The following ERBB4 variants were observed in gnomAD, a reference collection of about 807,000 sequenced individuals.
The protein encoded by ERBB4 is erb-b2 receptor tyrosine kinase 4.
A neutral mutation model predicts 158.0 loss-of-function variants in ERBB4; 42 were observed. That is an observed-to-expected ratio of 0.27 (90% CI 0.21 to 0.34). ERBB4 has a LOEUF of 0.34. ERBB4 is among the 10% of genes least tolerant of loss of function. The probability of loss-of-function intolerance (pLI) is 1.00; values close to 1 mark genes in which losing one functional copy is unlikely to be tolerated. For missense variants in ERBB4, 1,333 were observed against 1,624.1 expected (o/e 0.82, Z 3.08); for synonymous variants, 583 against 558.7 (o/e 1.04, Z -0.61).
At chr2:211,851,721 C>T (rs2077725992) in intron 3 of ERBB4, among the ~76,000 whole-genome samples, 1 of 151,666 alleles carries the variant, frequency 6.6e-6, no homozygotes, top group African/African-American at 2.4e-5. Flanking sequence ...GGTGTTTGAT[C>T]CTATTGTGAT....
At chr2:211,802,571 G>T (rs2076524926) in intron 3 of ERBB4, among the ~76,000 whole-genome samples, 1 of 152,184 alleles carries the variant, frequency 6.6e-6, no homozygotes, top group Non-Finnish European at 1.5e-5. Context: ...GTGGAAAAGA[G>T]AATGATGATT....
chr2:212,373,829 A>ATATATATCCATGTATATATCCATG (rs2090182881), intron 1 of ERBB4, among the ~76,000 whole-genome samples: 3 of 88,628 alleles, frequency 3.4e-5, no homozygotes, highest in Non-Finnish European at 7.4e-5. Context: ...ATATCCATAT[A>ATATATATCCATGTATATATCCATG]TATATATATC....
chr2:212,052,389 T>C (rs947144987), intron 2 of ERBB4, among the ~76,000 whole-genome samples: 7 of 152,282 alleles, frequency 4.6e-5, no homozygotes, highest in Admixed American at 3.9e-4. Context: ...AGCTTGCAGA[T>C]AGCCTATTGT....
At chr2:212,191,961 T>C (rs116074352) in intron 1 of ERBB4, among the ~76,000 whole-genome samples, 20,917 of 128,372 alleles carry the variant, frequency 0.16, 1,945 homozygotes, top group Non-Finnish European at 0.21. Flanking sequence ...ATATATGTTA[T>C]ATATGTTATA....
intron 12 of ERBB4, among the ~76,000 whole-genome samples, chr2:211,687,350 C>T (rs961951291): frequency 3.3e-5 from 5 of 151,694 alleles, no homozygotes; most frequent in Non-Finnish European, 5.9e-5. Flanking sequence ...AAGAACCCTC[C>T]CACAATATTG....
At chr2:211,700,255 A>C (rs1411347764) in intron 12 of ERBB4, among the ~76,000 whole-genome samples, 1 of 152,242 alleles carries the variant, frequency 6.6e-6, no homozygotes, top group Non-Finnish European at 1.5e-5. Flanking sequence ...TGGGGTAAGA[A>C]GCTTAAGTAT....
At chr2:212,055,025 A>C (rs561339379) in intron 2 of ERBB4, among the ~76,000 whole-genome samples, 62 of 152,250 alleles carry the variant, frequency 4.1e-4, no homozygotes, top group African/African-American at 1.5e-3. Context: ...GGGAAGCATA[A>C]AGGGTCAGGG....
chr2:211,861,330 TTTTTTTTTG>T (rs1178565460), intron 3 of ERBB4, among the ~76,000 whole-genome samples: 7 of 69,446 alleles, frequency 1.0e-4, no homozygotes, highest in Non-Finnish European at 1.4e-4. Flanking sequence ...CAGGCGTGTT[TTTTTTTTTG>T]TTTTTTTTTT....
At chr2:211,413,309 AACACACACACACACACACACACAC>A (rs36108369) in intron 25 of ERBB4, among the ~76,000 whole-genome samples, 2 of 94,558 alleles carry the variant, frequency 2.1e-5, no homozygotes, top group African/African-American at 7.7e-5. Flanking sequence ...CTGTCTTAAA[AACACACACACACACACACACACAC>A]ACACACACAC....
Position 211,889,489 on chromosome 2 carries a change from C to T in ERBB4, c.421+57941G>A, listed in dbSNP as rs991514793. On this transcript the variant is annotated intron_variant, in intron 3 of 27. Transcript: ENST00000342788. Reference sequence around the variant, plus strand: ...AAACTGGAAACTCTAAAATGCAGAGCGCCTCTCCTCCTCCAAAGGAACGCA... The same window carrying T: ...AAACTGGAAACTCTAAAATGCAGAGTGCCTCTCCTCCTCCAAAGGAACGCA... 1.1e-4 allele frequency among the ~76,000 whole-genome samples: 17 copies of T among 151,744 alleles called. No homozygotes were observed. In the East Asian group the frequency reaches 1.4e-3, roughly 12 times the overall value.
intron 2 of ERBB4, among the ~76,000 whole-genome samples, chr2:212,078,122 G>T (rs1480214238): frequency 6.6e-6 from 1 of 151,946 alleles, no homozygotes; most frequent in East Asian, 1.9e-4. Flanking sequence ...TTACTTATTT[G>T]CAAATTTATT....
rs550255775 is a variant in ERBB4, at chr2:212,414,482, T to C, written c.82+123967A>G. 3.3e-4 allele frequency among the ~76,000 whole-genome samples: 50 copies of C among 152,342 alleles called. 1 individual carries two copies. The highest frequency in any genetic ancestry group is 3.4e-3 in the Middle Eastern group (1 of 294). ...CTCTAAGAATTCTGAAATGCTGTAA[T>C]AACTTTATATGGCTCTGAACTGTTT... On this transcript the variant is annotated intron_variant, in intron 1 of 27. Coordinates refer to ENST00000342788, the MANE Select transcript of ERBB4 (RefSeq NM_005235.3).
At chr2:211,683,612 G>T (rs765621175) in intron 12 of ERBB4, among the ~76,000 whole-genome samples, 2 of 151,988 alleles carry the variant, frequency 1.3e-5, no homozygotes, top group African/African-American at 2.4e-5. Flanking sequence ...TTTCCAGTTT[G>T]GAGCTACTAC....
intron 1 of ERBB4, among the ~76,000 whole-genome samples, chr2:212,152,956 G>T (rs2125632078): frequency 6.6e-6 from 1 of 152,258 alleles, no homozygotes; most frequent in East Asian, 1.9e-4. Flanking sequence ...ACATTTTACT[G>T]CTGCTAATCT....
chr2:211,693,002 A>G (rs985795178), intron 12 of ERBB4, among the ~76,000 whole-genome samples: 3 of 152,188 alleles, frequency 2.0e-5, no homozygotes, highest in Non-Finnish European at 2.9e-5. Flanking sequence ...GTGCAGAAAC[A>G]TACCCCTTCC....
At chr2:212,445,777 C>T (rs2092337293) in intron 1 of ERBB4, among the ~76,000 whole-genome samples, 1 of 152,176 alleles carries the variant, frequency 6.6e-6, no homozygotes. Flanking sequence ...AAAAAACCCA[C>T]AACCTGCTGA....
intron 2 of ERBB4, among the ~76,000 whole-genome samples, chr2:211,980,894 C>T (rs1369463091): frequency 6.6e-6 from 1 of 151,996 alleles, no homozygotes. Flanking sequence ...TCGCCCCTTT[C>T]TTGTCAGATT....
intron 1 of ERBB4, among the ~76,000 whole-genome samples, chr2:212,314,339 A>G (rs1396847021): frequency 6.6e-6 from 1 of 150,820 alleles, no homozygotes; most frequent in East Asian, 2.0e-4. Flanking sequence ...CACATTCCCA[A>G]GAACTGATGA....
intron 1 of ERBB4, among the ~76,000 whole-genome samples, chr2:212,218,035 G>A (rs1022110734): frequency 2.6e-5 from 4 of 151,218 alleles, no homozygotes; most frequent in African/African-American, 9.7e-5. Flanking sequence ...AATACTGTCT[G>A]CTTGCTTCTG....
Sources: gnomAD v4.1 joint callset for allele counts (sites outside exome capture counted in the v4.1 genomes callset) on GRCh38, gnomAD v4.1.1 for gene constraint, MANE v1.5 for transcripts, NCBI Gene and HGNC (gene_info 2026-07-23, HGNC 2026-07-21) for gene names.